ERG: variants seen among roughly 807,000 people sequenced by gnomAD.
The protein encoded by ERG is ETS transcription factor ERG, also known as transcriptional regulator ERG.
In ERG, 9 loss-of-function variants were observed where a neutral mutation model predicts 55.3. That is an observed-to-expected ratio of 0.16 (90% CI 0.10 to 0.28). The LOEUF is 0.28. Ranked by LOEUF, ERG falls within the 10% of genes least tolerant of loss-of-function variation. The pLI is 1.00. For synonymous variants in ERG, 223 were observed against 237.3 expected, an observed-to-expected ratio of 0.94 and a Z score of 0.55; for missense variants, 434 against 631.6, an observed-to-expected ratio of 0.69 and a Z score of 3.35.
At chr21:38,563,031 A>G (rs1265518493) in intron 2 of ERG, among the ~76,000 whole-genome samples, 1 of 152,230 alleles carries the variant, frequency 6.6e-6, no homozygotes, top group African/African-American at 2.4e-5. Flanking sequence ...TGAAAAGGCT[A>G]CATAGTGTAT....
intron 1 of ERG, among the ~76,000 whole-genome samples, chr21:38,477,638 C>A (rs1311382944): frequency 6.6e-6 from 1 of 152,154 alleles, no homozygotes; most frequent in Non-Finnish European, 1.5e-5. Flanking sequence ...CATGAGCTTT[C>A]TTTAGCATCA....
intron 2 of ERG, among the ~76,000 whole-genome samples, chr21:38,550,778 C>T (rs748422873): frequency 2.5e-4 from 38 of 152,172 alleles, no homozygotes; most frequent in Non-Finnish European, 4.6e-4. Flanking sequence ...TAACTACAAC[C>T]AGCCAGAGAT....
At chr21:38,635,006 G>A (rs1401382837) in intron 1 of ERG, among the ~76,000 whole-genome samples, 1 of 152,176 alleles carries the variant, frequency 6.6e-6, no homozygotes, top group Non-Finnish European at 1.5e-5. Context: ...GAAAAAACAC[G>A]GAGGAATCCT....
At chr21:38,485,506 C>G (rs2059275872) in intron 1 of ERG, among the ~76,000 whole-genome samples, 2 of 138,070 alleles carry the variant, frequency 1.4e-5, no homozygotes, top group Admixed American at 8.0e-5. Context: ...TGTCACCAGA[C>G]TAGAGTGCTG....
intron 1 of ERG, among the ~76,000 whole-genome samples, chr21:38,497,466 A>T (rs1328086117): frequency 6.6e-6 from 1 of 152,200 alleles, no homozygotes; most frequent in East Asian, 1.9e-4. Flanking sequence ...TCACGAAGGC[A>T]TGGTGGCCTT....
chr21:38,443,928 C>T (rs9636934), intron 2 of ERG, among the ~76,000 whole-genome samples: 2,612 of 152,272 alleles, frequency 0.017, 46 homozygotes, highest in Admixed American at 0.038. Flanking sequence ...AGGACCAGTG[C>T]GGTGGCAATA....
rs1601320693 is a variant in ERG at position 38,619,640 on chromosome 21, C to T, written c.-149-34695G>A. 3.3e-5 allele frequency among the ~76,000 whole-genome samples: 5 copies of T among 152,242 alleles called. No individual in the cohort carries two copies. In the South Asian group the frequency reaches 1.0e-3, roughly 32 times the overall value. ...TCTATTCTATTTCAGCCTACCTTGC[C>T]TGACACTGTTTATAGGGCCAGAATT... is the stretch of plus-strand genomic sequence containing the variant. On this transcript the variant is annotated intron_variant, in intron 1 of 10. Transcript: ENST00000398910.
intron 2 of ERG, among the ~76,000 whole-genome samples, chr21:38,505,421 C>G (rs916903049): frequency 1.3e-5 from 2 of 152,192 alleles, no homozygotes; most frequent in Admixed American, 1.3e-4. Flanking sequence ...AGAGGTGCAG[C>G]TGAAGTGAAG....
At position 38,466,298 on chromosome 21, in the gene ERG, G is replaced by GGGGTGTGT. The variant is rs961379963; in HGVS notation, c.19-20685_19-20678dup. ...AACAGTTTAGGCTGTCTGATGGTCT[G>GGGGTGTGT]GGGTGTGTGTGTGTGTGTGTGTGTG... On this transcript the variant is annotated intron_variant, in intron 1 of 9. Coordinates refer to ENST00000288319, the MANE Select transcript of ERG (RefSeq NM_182918.4). Among the ~76,000 whole-genome samples, 29 of 56,500 alleles carry GGGGTGTGT rather than the reference G, an allele frequency of 5.1e-4. 1 individual carries two copies. Among genetic ancestry groups the GGGGTGTGT allele is most frequent in the East Asian group, 2.9e-3 (8 of 2,786 alleles). The allele number at this position is 56,500 out of a possible 152,430, so 37.1% of individuals were successfully genotyped here.
At chr21:38,488,601 C>A (rs1428883697) in intron 1 of ERG, among the ~76,000 whole-genome samples, 3 of 152,170 alleles carry the variant, frequency 2.0e-5, no homozygotes, top group Non-Finnish European at 4.4e-5. Flanking sequence ...GCTGTAAAAT[C>A]AGCACAGAGA....
At chr21:38,443,048 C>G (rs1056577704) in intron 2 of ERG, among the ~76,000 whole-genome samples, 3 of 152,202 alleles carry the variant, frequency 2.0e-5, no homozygotes, top group Non-Finnish European at 4.4e-5. Context: ...ACCTCGTGAT[C>G]CACCCGCCTT....
intron 3 of ERG, among the ~76,000 whole-genome samples, chr21:38,418,210 C>T (rs1989036690): frequency 6.6e-6 from 1 of 151,730 alleles, no homozygotes; most frequent in East Asian, 1.9e-4. Flanking sequence ...ATTACATACA[C>T]AATAAGCATG....
chr21:38,423,284 A>G (rs1195056798), intron 3 of ERG, 126 bp downstream of exon 3: 1 of 996,182 alleles, frequency 1.0e-6, no homozygotes, highest in East Asian at 2.7e-5. Flanking sequence ...TCCCATTTAC[A>G]AGCCCTGCTC....
intron 2 of ERG, among the ~76,000 whole-genome samples, chr21:38,558,062 G>T (rs1048772097): frequency 1.7e-5 from 2 of 116,058 alleles, no homozygotes; most frequent in Admixed American, 8.6e-5. Context: ...TAAGTTTTGG[G>T]GGGGGGTCCT....
intron 1 of ERG, 107 bp from the exon 2 acceptor site, chr21:38,445,728 G>A (rs943288837): frequency 1.1e-5 from 9 of 787,848 alleles, no homozygotes; most frequent in East Asian, 2.6e-5. Flanking sequence ...ATTTTAGATC[G>A]TTTTTATGGT....
rs1477311598 is a variant in ERG, at chr21:38,629,061, C to G, written c.-150+32597G>C. Among the ~76,000 whole-genome samples the G allele has an allele frequency of 2.0e-5, 3 of 152,168 alleles. No homozygotes were observed. The East Asian group carries it at 5.8e-4, about 29-fold the overall frequency. On this transcript the variant is annotated intron_variant, in intron 1 of 10. Transcript: ENST00000398910. ...ATTTACAATTCAATAGCAGAGTTTC[C>G]TGCACAGACTGTACTATTTACAGAG...
chr21:38,458,929 C>T, intron 1 of ERG, among the ~76,000 whole-genome samples: 1 of 152,164 alleles, frequency 6.6e-6, no homozygotes, highest in Admixed American at 6.5e-5. Flanking sequence ...TCTTTGTTAC[C>T]TACTCAAGAG....
Position 38,383,895 on chromosome 21 carries a change from G to C in ERG, c.948C>G (p.Phe316Leu). Residue 316 changes from phenylalanine to leucine, a missense_variant, in exon 10 of 10, where the codon TTC becomes TTG. By Grantham distance (22) the Phe-to-Leu change is conservative. Coordinates refer to ENST00000288319, the MANE Select transcript of ERG (RefSeq NM_182918.4). The surrounding 1 kb of genome is among the most constrained non-coding windows in gnomAD (Gnocchi z 5.7). ...PGSGQIQLWQ[F>L]LLELLSDSSN... is the part of the protein sequence containing the mutation. ...AGCTGTCCGACAGGAGCTCCAGGAGGAACTGCCAAAGCTGGATCTGGCCAC... is the reference window on the plus strand; with the variant it reads ...AGCTGTCCGACAGGAGCTCCAGGAGCAACTGCCAAAGCTGGATCTGGCCAC... 1 of 1,613,790 alleles carries C rather than the reference G, an allele frequency of 6.2e-7. No individual in the cohort carries two copies. The highest frequency in any genetic ancestry group is 8.5e-7 in the Non-Finnish European group (1 of 1,179,946).
intron 2 of ERG, among the ~76,000 whole-genome samples, chr21:38,507,965 GCACA>G (rs1229923204): frequency 5.0e-3 from 4 of 796 alleles, no homozygotes; most frequent in Non-Finnish European, 0.01. Flanking sequence ...ACACGCACAT[GCACA>G]CACACAGAGA....
Sources: gnomAD v4.1 joint callset for allele counts (sites outside exome capture counted in the v4.1 genomes callset) on GRCh38, gnomAD v4.1.1 for gene constraint, Gnocchi (gnomAD v3.1) non-coding constraint, MANE v1.5 for transcripts, NCBI Gene and HGNC (gene_info 2026-07-23, HGNC 2026-07-21) for gene names.